Variants in C7orf33 observed in about 807,000 individuals in gnomAD.
C7orf33 encodes chromosome 7 open reading frame 33, also known as uncharacterized protein C7orf33.
C7orf33 carries 15 observed loss-of-function variants against 13.4 expected under a neutral mutation model. The observed-to-expected ratio is 1.12, with a 90% confidence interval of 0.75 to 1.72. The LOEUF is 1.72. Among genes scored for constraint, C7orf33 ranks in the 40% most tolerant of loss-of-function variants. C7orf33 has a pLI of 0.00. For missense variants in C7orf33, 187 were observed against 220.3 expected, an observed-to-expected ratio of 0.85 and a Z score of 0.96; for synonymous variants, 73 against 83.2, an observed-to-expected ratio of 0.88 and a Z score of 0.67.
chr7:148,591,619 C>CACCCAGGCTGG (rs2116884976), intron 1 of C7orf33, among the ~76,000 whole-genome samples: 1 of 152,262 alleles, frequency 6.6e-6, no homozygotes, highest in South Asian at 2.1e-4. Flanking sequence ...CTTGCTCTGT[C>CACCCAGGCTGG]ACCCAGGCTG....
At chr7:148,597,848 C>T (rs1006265497) in intron 1 of C7orf33, among the ~76,000 whole-genome samples, 5 of 152,132 alleles carry the variant, frequency 3.3e-5, no homozygotes, top group African/African-American at 9.7e-5. Context: ...CTCCGCTTCC[C>T]AGGTTCACGC....
rs1053368965 is a variant in C7orf33 at position 148,591,182 on chromosome 7, T to A, written c.204+53T>A. 141 of 1,404,358 alleles carry A rather than the reference T, an allele frequency of 1.0e-4. No homozygotes were observed. In the South Asian group the frequency reaches 1.6e-3, roughly 16 times the overall value. 87.0% of individuals were successfully genotyped at this position (1,404,358 alleles called of 1,614,324 possible). Reference sequence around the variant, plus strand: ...ACTGCTCTTTGAGTCAGTCAGTATCTCTTGAGAATTCATTCACTCAATCCA... The same window carrying A: ...ACTGCTCTTTGAGTCAGTCAGTATCACTTGAGAATTCATTCACTCAATCCA... On this transcript the variant is annotated intron_variant, in intron 1 of 2. Transcript: ENST00000307003.
At chr7:148,601,709 G>A (rs1796416763) in intron 1 of C7orf33, among the ~76,000 whole-genome samples, 1 of 152,008 alleles carries the variant, frequency 6.6e-6, no homozygotes, top group Non-Finnish European at 1.5e-5. Flanking sequence ...TATGGTTAGA[G>A]AACATATTTT....
At chr7:148,602,294 A>T (rs1796424728) in intron 1 of C7orf33, among the ~76,000 whole-genome samples, 1 of 152,120 alleles carries the variant, frequency 6.6e-6, no homozygotes, top group Non-Finnish European at 1.5e-5. Context: ...TATCTCTAAG[A>T]TTGATAATAA....
chr7:148,605,023 G>C (rs1201572658), intron 1 of C7orf33, among the ~76,000 whole-genome samples: 1 of 152,144 alleles, frequency 6.6e-6, no homozygotes, highest in Non-Finnish European at 1.5e-5. Context: ...CCTGAGGTCA[G>C]GAGTTCAAGA....
At chr7:148,601,635 C>G (rs1433197616) in intron 1 of C7orf33, among the ~76,000 whole-genome samples, 1 of 152,148 alleles carries the variant, frequency 6.6e-6, no homozygotes, top group East Asian at 1.9e-4. Flanking sequence ...GCATGAGCCA[C>G]CTCGGATGGG....
chr7:148,603,223 G>A (rs916041426), intron 1 of C7orf33, among the ~76,000 whole-genome samples: 1 of 152,072 alleles, frequency 6.6e-6, no homozygotes, highest in African/African-American at 2.4e-5. Context: ...AGAATGAAAG[G>A]GTCTTGCTCA....
At chr7:148,596,814 C>G (rs756117569) in intron 1 of C7orf33, among the ~76,000 whole-genome samples, 15 of 152,146 alleles carry the variant, frequency 9.9e-5, no homozygotes, top group Non-Finnish European at 2.1e-4. Context: ...TTCCCCACTC[C>G]CTTCCTCCCC....
At chr7:148,609,962 A>C (rs533840658) in intron 1 of C7orf33, among the ~76,000 whole-genome samples, 1 of 152,210 alleles carries the variant, frequency 6.6e-6, no homozygotes, top group South Asian at 2.1e-4. Context: ...CAACTAGCAG[A>C]TTCCAAGAAG....
chr7:148,611,982 T>C (rs897876575), intron 1 of C7orf33, among the ~76,000 whole-genome samples: 1 of 152,240 alleles, frequency 6.6e-6, no homozygotes, highest in Non-Finnish European at 1.5e-5. Flanking sequence ...TAGCTTTCAG[T>C]ACCTGCTCCC....
At chr7:148,595,396 CA>C (rs571621309) in intron 1 of C7orf33, among the ~76,000 whole-genome samples, 2 of 124,930 alleles carry the variant, frequency 1.6e-5, no homozygotes, top group South Asian at 2.3e-4. Flanking sequence ...ATAGATATAT[CA>C]TAGATAATAT....
intron 1 of C7orf33, among the ~76,000 whole-genome samples, chr7:148,600,790 T>A (rs1052844185): frequency 5.3e-5 from 8 of 150,950 alleles, no homozygotes; most frequent in Non-Finnish European, 8.8e-5. Flanking sequence ...TTCTCCATTT[T>A]ATGGACTTCT....
intron 1 of C7orf33, among the ~76,000 whole-genome samples, chr7:148,608,325 G>A (rs1796497323): frequency 6.6e-6 from 1 of 151,976 alleles, no homozygotes; most frequent in Admixed American, 6.6e-5. Flanking sequence ...AGCTACTTGG[G>A]AAGCTGAGGC....
At position 148,599,469 on chromosome 7, in the gene C7orf33, A is replaced by ATTTT. The variant is rs34816972; in HGVS notation, c.204+8359_204+8362dup. On this transcript the variant is annotated intron_variant, in intron 1 of 2. Transcript: ENST00000307003. ...CCAGGTTCAAATTTACAATTCTCAG[A>ATTTT]TTTTTTTTTTTTTTTTTTTTTTGAG... is the stretch of plus-strand genomic sequence containing the variant. Among the ~76,000 whole-genome samples the ATTTT allele has an allele frequency of 3.6e-3, 438 of 122,944 alleles. 8 individuals carry two copies. The highest frequency in any genetic ancestry group is 0.013 in the African/African-American group (415 of 31,170). 80.7% of individuals were successfully genotyped at this position (122,944 alleles called of 152,430 possible). A position where few individuals can be genotyped will look rare whatever the true frequency, so the allele number is the denominator to read the frequency against.
rs887763311 is a variant in C7orf33, at chr7:148,612,076, A to G, written c.205-1966A>G. Reference sequence around the variant, plus strand: ...TTATAATGCCTGGTTTCCTTGCACTATCAGTGCCTCTATAGAAAAGGCGCT... The same window carrying G: ...TTATAATGCCTGGTTTCCTTGCACTGTCAGTGCCTCTATAGAAAAGGCGCT... On this transcript the variant is annotated intron_variant, in intron 1 of 2. Transcript: ENST00000307003. Among the ~76,000 whole-genome samples, 9 of 152,372 alleles carry G rather than the reference A, an allele frequency of 5.9e-5. No individual in the cohort carries two copies. In the East Asian group the frequency reaches 1.2e-3, roughly 20 times the overall value.
chr7:148,614,964 A>G (rs1796584490), intron 2 of C7orf33, among the ~76,000 whole-genome samples: 1 of 152,264 alleles, frequency 6.6e-6, no homozygotes. Context: ...TAGGTTGAGC[A>G]TTAATAAATA....
chr7:148,599,771 C>A (rs528123358), intron 1 of C7orf33, among the ~76,000 whole-genome samples: 1 of 152,126 alleles, frequency 6.6e-6, no homozygotes, highest in Non-Finnish European at 1.5e-5. Flanking sequence ...CCACGCCCAG[C>A]CTAGAATTCT....
chr7:148,610,163 T>C (rs1796520446), intron 1 of C7orf33, among the ~76,000 whole-genome samples: 1 of 152,216 alleles, frequency 6.6e-6, no homozygotes, highest in Non-Finnish European at 1.5e-5. Flanking sequence ...GGAAGTTTGA[T>C]CCACAAGTAA....
rs757782568 is a variant in C7orf33 at position 148,591,143 on chromosome 7, T to C, written c.204+14T>C. 6.3e-6 allele frequency: 10 copies of C among 1,597,500 alleles called. No individual in the cohort carries two copies. The Admixed American group carries it at 1.7e-4, about 27-fold the overall frequency. On this transcript the variant is annotated intron_variant, in intron 1 of 2. Coordinates refer to ENST00000307003, the MANE Select transcript of C7orf33 (RefSeq NM_145304.4). ...GGAAGACATAAGGTAAGTTAATGAT[T>C]CTAAGATGAATCAACTGCTCTTTGA...
Sources: allele counts gnomAD v4.1 joint callset (sites outside exome capture counted in the v4.1 genomes callset), GRCh38; gene constraint gnomAD v4.1.1; transcripts MANE v1.5; gene names NCBI Gene and HGNC (gene_info 2026-07-23, HGNC 2026-07-21).